COBL: variants seen among roughly 807,000 people sequenced by gnomAD.
The protein encoded by COBL is protein cordon-bleu.
Under a neutral mutation model 98.8 loss-of-function variants are expected in COBL, and 51 were observed. That is an observed-to-expected ratio of 0.52 (90% CI 0.41 to 0.65). The LOEUF (loss-of-function observed/expected upper bound fraction) is 0.65. Ranked by LOEUF, COBL falls within the 30% of genes least tolerant of loss-of-function variation. The probability of loss-of-function intolerance (pLI) is 0.00; values close to 1 mark genes in which losing one functional copy is unlikely to be tolerated. For missense variants in COBL, 1,617 were observed against 1,617.5 expected, an observed-to-expected ratio of 1.00 and a Z score of 0.01; for synonymous variants, 634 against 651.7, an observed-to-expected ratio of 0.97 and a Z score of 0.41.
intron 6 of COBL, among the ~76,000 whole-genome samples, chr7:51,125,253 G>C (rs1359713110): frequency 6.6e-6 from 1 of 152,170 alleles, no homozygotes; most frequent in Non-Finnish European, 1.5e-5. Flanking sequence ...CTTATAAGAA[G>C]AGGAAGGGAC....
chr7:51,234,847 G>C (rs928220500), intron 1 of COBL, among the ~76,000 whole-genome samples: 1 of 152,146 alleles, frequency 6.6e-6, no homozygotes, highest in Non-Finnish European at 1.5e-5. Flanking sequence ...TTTACTGATT[G>C]ATCTGGGGCC....
Position 51,193,492 on chromosome 7 carries a change from G to C in COBL, c.343C>G (p.Pro115Ala), listed in dbSNP as rs767582579. The C allele has an allele frequency of 3.1e-6, 5 of 1,614,054 alleles. No homozygotes were observed. In the Admixed American group the frequency reaches 8.3e-5, roughly 27 times the overall value. ...LEIRSSETQQ[P>A]LSFKPNTLIG... ...AAAGTATTTGGCTTAAAACTCAAAGGTTGTTGGGTTTCTGAAGACCGAATT... is the reference window on the plus strand; with the variant it reads ...AAAGTATTTGGCTTAAAACTCAAAGCTTGTTGGGTTTCTGAAGACCGAATT... The change falls in exon 3 of 13, where the codon CCT (proline) becomes GCT (alanine). Residue 115 changes from proline to alanine, a missense_variant. Transcript: ENST00000265136.
At position 51,219,862 on chromosome 7, in the gene COBL, C is replaced by T; in HGVS notation, c.124G>A (p.Asp42Asn). The change falls in exon 2 of 13, where the codon GAT becomes AAT. Residue 42 changes from aspartate to asparagine, a missense_variant. By Grantham distance (23) the Asp-to-Asn change is conservative. Coordinates refer to ENST00000265136, the MANE Select transcript of COBL (RefSeq NM_015198.5). ...HVHSDQKPPH[D>N]GALGSQQNLV... The stretch of plus-strand genomic sequence containing the variant: ...TTCTGCTGCGACCCGAGGGCCCCAT[C>T]GTGGGGGGGCTTCTGGTCACTGTGC... 1.9e-6 allele frequency: 3 copies of T among 1,613,686 alleles called. No individual in the cohort carries two copies. Among genetic ancestry groups the T allele is most frequent in the Non-Finnish European group, 2.5e-6 (3 of 1,180,040 alleles).
intron 1 of COBL, among the ~76,000 whole-genome samples, chr7:51,270,039 C>T (rs1395469267): frequency 1.3e-5 from 2 of 152,186 alleles, no homozygotes; most frequent in African/African-American, 2.4e-5. Flanking sequence ...GACATGTTTT[C>T]AGCTGCGGCC....
chr7:51,216,992 A>G (rs945734477), intron 2 of COBL, among the ~76,000 whole-genome samples: 1 of 152,236 alleles, frequency 6.6e-6, no homozygotes, highest in Non-Finnish European at 1.5e-5. Flanking sequence ...CTGCATCCGC[A>G]ATAGTTATCC....
intron 2 of COBL, among the ~76,000 whole-genome samples, chr7:51,212,405 G>A (rs1792544328): frequency 1.3e-5 from 2 of 152,140 alleles, no homozygotes; most frequent in South Asian, 4.1e-4. Context: ...ACTGCTTGGG[G>A]AACACACAAT....
Position 51,028,864 on chromosome 7 carries a change from G to A in COBL, c.2232C>T (p.Ala744=). ...DELGNLVSPH[A]TGIRIISLSS... ...ACAGGGAAATGATCCTGATGCCGGT[G>A]GCGTGAGGACTCACCAAGTTCCCCA... Residue 744 remains alanine (A), a synonymous_variant, in exon 10 of 13, where the codon GCC becomes GCT. Transcript: ENST00000265136. The A allele has an allele frequency of 6.2e-7, 1 of 1,614,208 alleles. No homozygotes were observed. The highest frequency in any genetic ancestry group is 1.3e-5 in the African/African-American group (1 of 75,058).
chr7:51,104,958 GGGT>G (rs1583808055), intron 6 of COBL, among the ~76,000 whole-genome samples: 2 of 152,194 alleles, frequency 1.3e-5, no homozygotes, highest in East Asian at 3.9e-4. Context: ...TGTAGAGTGG[GGGT>G]CAGCCCATAA....
intron 12 of COBL, chr7:51,018,223 GTGA>G (rs1296063570): frequency 1.3e-5 from 2 of 153,912 alleles, no homozygotes; most frequent in South Asian, 4.0e-4. Flanking sequence ...TGTGGCAGTG[GTGA>G]TGGTGGTGGT....
At chr7:51,253,871 CA>C (rs1796962301) in intron 1 of COBL, among the ~76,000 whole-genome samples, 1 of 152,212 alleles carries the variant, frequency 6.6e-6, no homozygotes, top group Non-Finnish European at 1.5e-5. Context: ...CAACTTTAGA[CA>C]GTTAGATTCC....
In COBL at chr7:51,065,443, C is replaced by G. The variant is rs142690630; in HGVS notation, c.1096+19723G>C. On this transcript the variant is annotated intron_variant, in intron 7 of 12. Coordinates refer to ENST00000265136, the MANE Select transcript of COBL (RefSeq NM_015198.5). ...AAGTCTTATCACAGCTTCAGCTGCT[C>G]CATAAACTGTAGGGGCAAGGAGGAA... 2.6e-4 allele frequency: 182 copies of G among 699,204 alleles called. 2 individuals are homozygous for G. The East Asian group carries it at 4.7e-3, about 18-fold the overall frequency. 43.3% of individuals were successfully genotyped at this position (699,204 alleles called of 1,614,324 possible).
intron 3 of COBL, among the ~76,000 whole-genome samples, chr7:51,193,178 A>G (rs1356084355): frequency 6.6e-6 from 1 of 152,264 alleles, no homozygotes; most frequent in Non-Finnish European, 1.5e-5. Flanking sequence ...AAGCAATGTT[A>G]CAACAATAAA....
intron 7 of COBL, among the ~76,000 whole-genome samples, chr7:51,056,877 C>T (rs1241958026): frequency 2.7e-5 from 4 of 150,108 alleles, no homozygotes; most frequent in Non-Finnish European, 5.9e-5. Flanking sequence ...GTAGTCCCTC[C>T]TTGTTGGAGG....
chr7:51,246,671 T>A (rs934435133), intron 1 of COBL, among the ~76,000 whole-genome samples: 6 of 152,192 alleles, frequency 3.9e-5, no homozygotes, highest in Non-Finnish European at 8.8e-5. Context: ...TAATGAAGCA[T>A]TATAATGTTT....
chr7:51,139,706 C>T (rs534715427), intron 5 of COBL, among the ~76,000 whole-genome samples: 1 of 152,326 alleles, frequency 6.6e-6, no homozygotes, highest in East Asian at 1.9e-4. Flanking sequence ...TCTTCTTTCC[C>T]TACTTTTGGA....
At chr7:51,025,494 G>A in intron 11 of COBL, 122 bp from the exon 12 acceptor site, 1 of 978,484 alleles carries the variant, frequency 1.0e-6, no homozygotes, top group Non-Finnish European at 1.5e-6. Context: ...TAGGTCATGA[G>A]GTGGAGCCCT....
chr7:51,143,136 G>GT (rs1465112464), intron 5 of COBL, among the ~76,000 whole-genome samples: 1 of 152,168 alleles, frequency 6.6e-6, no homozygotes, highest in Non-Finnish European at 1.5e-5. Flanking sequence ...AAAGCAAGGA[G>GT]TGGGGGCTTG....
At chr7:51,083,149 C>CGGGGGGGGGGGGGGGG in intron 7 of COBL, 1 of 345,482 alleles carries the variant, frequency 2.9e-6, no homozygotes, top group African/African-American at 3.8e-5. Context: ...GAGGGTAGGG[C>CGGGGGGGGGGGGGGGG]GGGGGTGGGG....
chr7:51,210,544 A>C (rs907456015), intron 2 of COBL, among the ~76,000 whole-genome samples: 1 of 152,082 alleles, frequency 6.6e-6, no homozygotes, highest in Non-Finnish European at 1.5e-5. Context: ...GGCTGCCTCT[A>C]TTTGTGTCAG....
Sources: allele counts gnomAD v4.1 joint callset (sites outside exome capture counted in the v4.1 genomes callset), GRCh38; gene constraint gnomAD v4.1.1; transcripts MANE v1.5; gene names NCBI Gene and HGNC (gene_info 2026-07-23, HGNC 2026-07-21).